EPYC: variants seen among roughly 807,000 people sequenced by gnomAD.
The protein encoded by EPYC is dermatan sulfate proteoglycan 3.
Under a neutral mutation model 30.1 loss-of-function variants are expected in EPYC, and 28 were observed. That is an observed-to-expected ratio of 0.93 (90% CI 0.69 to 1.28). The LOEUF is 1.28. Among genes scored for constraint, EPYC ranks in the 50% most tolerant of loss-of-function variants. The pLI is 0.00. For missense variants in EPYC, 382 were observed against 383.5 expected (o/e 1.00, Z 0.03); for synonymous variants, 144 against 141.4 (o/e 1.02, Z -0.13).
chr12:90,993,147 T>G (rs1427952430), intron 2 of EPYC, among the ~76,000 whole-genome samples: 1 of 152,168 alleles, frequency 6.6e-6, no homozygotes, highest in East Asian at 1.9e-4. Flanking sequence ...AATTGATGAT[T>G]GAGAGAAGGA....
chr12:90,986,036 CT>C (rs1363680062), intron 2 of EPYC, among the ~76,000 whole-genome samples: 1 of 152,154 alleles, frequency 6.6e-6, no homozygotes, highest in African/African-American at 2.4e-5. Flanking sequence ...GCTCTTTTCA[CT>C]TGCCTTTCTT....
At chr12:90,969,230 TA>T (rs1876974112) in intron 6 of EPYC, among the ~76,000 whole-genome samples, 1 of 151,970 alleles carries the variant, frequency 6.6e-6, no homozygotes, top group Middle Eastern at 3.2e-3. Context: ...AATGTTAAAC[TA>T]TAATGTTGTT....
At chr12:90,990,951 T>G (rs1268058577) in intron 2 of EPYC, among the ~76,000 whole-genome samples, 5 of 152,162 alleles carry the variant, frequency 3.3e-5, no homozygotes, top group Admixed American at 2.6e-4. Flanking sequence ...ACAGATTCAG[T>G]GTAGTTATCG....
intron 2 of EPYC, among the ~76,000 whole-genome samples, chr12:90,996,891 T>C (rs7133977): frequency 0.81 from 123,642 of 151,914 alleles, 50,631 homozygotes; most frequent in Non-Finnish European, 0.87. Context: ...AAACAACATA[T>C]GGTAATACTT....
At chr12:90,974,080 C>A (rs1877124679) in intron 3 of EPYC, among the ~76,000 whole-genome samples, 1 of 123,528 alleles carries the variant, frequency 8.1e-6, no homozygotes, top group African/African-American at 2.7e-5. Context: ...ACACCCCTAC[C>A]TCTCCACCCC....
intron 6 of EPYC, among the ~76,000 whole-genome samples, chr12:90,967,052 T>G (rs2120792493): frequency 6.6e-6 from 1 of 152,252 alleles, no homozygotes; most frequent in African/African-American, 2.4e-5. Context: ...GTTGATCTTT[T>G]AAAGAAACAA....
intron 2 of EPYC, among the ~76,000 whole-genome samples, chr12:90,982,524 C>G (rs1416194494): frequency 6.6e-6 from 1 of 152,042 alleles, no homozygotes; most frequent in Non-Finnish European, 1.5e-5. Flanking sequence ...TGTGGTTGTA[C>G]TTTTGCCTAA....
At chr12:90,999,158 G>A (rs1877764421) in intron 2 of EPYC, among the ~76,000 whole-genome samples, 1 of 151,962 alleles carries the variant, frequency 6.6e-6, no homozygotes, top group Non-Finnish European at 1.5e-5. Context: ...ATATAGTATA[G>A]CCCAATTATA....
Position 90,978,066 on chromosome 12 carries a change from A to C in EPYC, c.340+22T>G, listed in dbSNP as rs775972572. On this transcript the variant is annotated intron_variant, in intron 3 of 6. Transcript: ENST00000261172. ...GGATGACAAAGTGGACTCAATTGTAATTCTGCTTTGAGGTACCTGACCTTC... is the reference window on the plus strand; with the variant it reads ...GGATGACAAAGTGGACTCAATTGTACTTCTGCTTTGAGGTACCTGACCTTC... 1.2e-5 allele frequency: 18 copies of C among 1,530,262 alleles called. No individual in the cohort carries two copies. In the South Asian group the frequency reaches 1.9e-4, roughly 16 times the overall value. 94.8% of individuals were successfully genotyped at this position (1,530,262 alleles called of 1,614,324 possible). A position where few individuals can be genotyped will look rare whatever the true frequency, so the allele number is the denominator to read the frequency against.
chr12:90,977,296 G>C (rs1226186609), intron 3 of EPYC, among the ~76,000 whole-genome samples: 2 of 152,108 alleles, frequency 1.3e-5, no homozygotes, highest in African/African-American at 4.8e-5. Flanking sequence ...GGTTGACAGT[G>C]ACACATTTGA....
At chr12:90,968,318 C>T (rs2120795198) in intron 6 of EPYC, among the ~76,000 whole-genome samples, 1 of 152,240 alleles carries the variant, frequency 6.6e-6, no homozygotes, top group Admixed American at 6.5e-5. Context: ...TTCATTCATC[C>T]TCCCAGCCAT....
At chr12:91,001,723 C>T (rs138900693) in intron 2 of EPYC, among the ~76,000 whole-genome samples, 1 of 152,240 alleles carries the variant, frequency 6.6e-6, no homozygotes, top group Non-Finnish European at 1.5e-5. Context: ...TTATTTCAAT[C>T]TCACATCTTT....
intron 2 of EPYC, among the ~76,000 whole-genome samples, chr12:90,981,427 T>C (rs1285435148): frequency 6.6e-6 from 1 of 152,152 alleles, no homozygotes; most frequent in East Asian, 1.9e-4. Flanking sequence ...CTAGCAATAT[T>C]TGTGTTATTA....
intron 2 of EPYC, among the ~76,000 whole-genome samples, chr12:90,980,187 T>G (rs925081903): frequency 6.6e-6 from 1 of 152,132 alleles, no homozygotes; most frequent in Non-Finnish European, 1.5e-5. Context: ...AGAAACAAAT[T>G]CCAGACACGT....
At position 90,974,029 on chromosome 12, in the gene EPYC, T is replaced by TACACAC. The variant is rs200299078; in HGVS notation, c.341-1055_341-1050dup. 4.4e-3 allele frequency among the ~76,000 whole-genome samples: 356 copies of TACACAC among 81,106 alleles called. 2 individuals carry two copies. Among genetic ancestry groups the TACACAC allele is most frequent in the African/African-American group, 7.7e-3 (185 of 23,896 alleles). 53.2% of individuals were successfully genotyped at this position (81,106 alleles called of 152,430 possible). On this transcript the variant is annotated intron_variant, in intron 3 of 6. Coordinates refer to ENST00000261172, the MANE Select transcript of EPYC (RefSeq NM_004950.5). ...ACATACTGATTTTTCTTTTCTGTCT[T>TACACAC]ACACACACTCACACACACACACACA...
At chr12:90,979,984 A>G (rs1329893384) in intron 2 of EPYC, among the ~76,000 whole-genome samples, 1 of 152,192 alleles carries the variant, frequency 6.6e-6, no homozygotes, top group African/African-American at 2.4e-5. Flanking sequence ...ATGAAGATAC[A>G]ATAAAGCTTG....
At chr12:91,002,210 AAG>A (rs1491207495) in intron 2 of EPYC, among the ~76,000 whole-genome samples, 189 bp downstream of exon 2, 58 of 145,090 alleles carry the variant, frequency 4.0e-4, no homozygotes, top group Admixed American at 9.0e-4. Context: ...AAAAAAAAAA[AAG>A]GGCAAAAGAC....
At chr12:90,974,032 ACACACT>A (rs139975687) in intron 3 of EPYC, among the ~76,000 whole-genome samples, 6,825 of 105,984 alleles carry the variant, frequency 0.064, 198 homozygotes, top group African/African-American at 0.12. Flanking sequence ...TCTGTCTTAC[ACACACT>A]CACACACACA....
At chr12:90,987,707 A>G (rs575008133) in intron 2 of EPYC, among the ~76,000 whole-genome samples, 11 of 152,300 alleles carry the variant, frequency 7.2e-5, no homozygotes, top group Admixed American at 3.9e-4. Flanking sequence ...ATTTGAGAGA[A>G]AGATGGAAAA....
Sources: allele counts gnomAD v4.1 joint callset (sites outside exome capture counted in the v4.1 genomes callset), GRCh38; gene constraint gnomAD v4.1.1; transcripts MANE v1.5; gene names NCBI Gene and HGNC (gene_info 2026-07-23, HGNC 2026-07-21).